Variants in WDR90 observed in about 807,000 individuals in gnomAD.
WDR90 encodes the protein WD repeat domain 90, also known as WD repeat-containing protein 90.
WDR90 carries 238 observed loss-of-function variants against 195.2 expected under a neutral mutation model. The ratio of observed to expected loss-of-function variants is 1.22; its 90% CI spans 1.10 to 1.36. The LOEUF (loss-of-function observed/expected upper bound fraction) is 1.36, where lower values mean the gene tolerates loss of function less well. WDR90 is among the 40% of genes most tolerant of loss of function. The pLI, the probability that WDR90 is intolerant of heterozygous loss-of-function variation, is 0.00. For synonymous variants in WDR90, 1,265 were observed against 1,052.4 expected (o/e 1.20, Z -3.91); for missense variants, 2,734 against 2,439.5 (o/e 1.12, Z -2.54).
At chr16:650,411 A>G (rs2037620785) in intron 4 of WDR90, 49 bp downstream of exon 4, 13 of 1,595,270 alleles carry the variant, frequency 8.1e-6, no homozygotes, top group Non-Finnish European at 1.1e-5. Context: ...GGCTGGAGGG[A>G]GTTGGTGCAG....
At position 656,505 on chromosome 16, in the gene WDR90, G is replaced by A. The variant is rs373956093; in HGVS notation, c.2170G>A (p.Val724Ile). ...GGCCACCGTGTCCCAGGACCGTACCGTCCGCATCTGGGACCTGGCCACCCT... is the reference window on the plus strand; with the variant it reads ...GGCCACCGTGTCCCAGGACCGTACCATCCGCATCTGGGACCTGGCCACCCT... ...QLATVSQDRT[V>I]RIWDLATLQQ... Residue 724 changes from valine to isoleucine, a missense_variant, in exon 18 of 41, where the codon GTC (valine) becomes ATC (isoleucine). Transcript: ENST00000293879. The A allele has an allele frequency of 3.8e-5, 60 of 1,576,096 alleles. No homozygotes were observed. Among genetic ancestry groups the A allele is most frequent in the African/African-American group, 1.7e-4 (13 of 74,344 alleles).
In WDR90 at chr16:651,082, A is replaced by C. The variant is rs1658743000; in HGVS notation, c.647A>C (p.His216Pro). Residue 216 changes from histidine to proline, a missense_variant, in exon 6 of 41, where the codon CAT becomes CCT. Physicochemically the swap from His to Pro is moderately conservative, Grantham distance 77. Coordinates refer to ENST00000293879, the MANE Select transcript of WDR90 (RefSeq NM_145294.5). ...AFPVPKGESW[H>P]DRYIHVRFPS... ...CCTGTGCCCAAGGGAGAGAGCTGGCATGACCGCTACATCCACGTCCGGTGA... is the reference window on the plus strand; with the variant it reads ...CCTGTGCCCAAGGGAGAGAGCTGGCCTGACCGCTACATCCACGTCCGGTGA... 1 of 1,595,650 alleles carries C rather than the reference A, an allele frequency of 6.3e-7. No homozygotes were observed. Among genetic ancestry groups the C allele is most frequent in the African/African-American group, 1.3e-5 (1 of 74,122 alleles).
Position 652,213 on chromosome 16 carries a change from C to G in WDR90, c.1053+174C>G, listed in dbSNP as rs185613621. On this transcript the variant is annotated intron_variant, in intron 9 of 40. Transcript: ENST00000293879. The stretch of plus-strand genomic sequence containing the variant: ...GGCTTTGGGGAAGAATCTCTGTCCA[C>G]AAAGAGTAAGGCAGGGCTTCTGCTC... The G allele has an allele frequency of 7.4e-4, 657 of 883,888 alleles. 14 individuals are homozygous for G. The South Asian group carries it at 8.5e-3, about 11-fold the overall frequency. 54.8% of individuals were successfully genotyped at this position (883,888 alleles called of 1,614,324 possible). A position where few individuals can be genotyped will look rare whatever the true frequency, so the allele number is the denominator to read the frequency against.
chr16:657,366 G>T (rs1469829783), intron 20 of WDR90, 145 bp downstream of exon 20: 1 of 1,260,400 alleles, frequency 7.9e-7, no homozygotes, highest in Admixed American at 2.8e-5. Context: ...CAGTAACCTT[G>T]TCAAGGCCCT....
At position 651,884 on chromosome 16, in the gene WDR90, C is replaced by T. The variant is rs775163346; in HGVS notation, c.898C>T (p.Arg300Cys). The change falls in exon 9 of 41, where the codon CGC (arginine) becomes TGC (cysteine). Residue 300 changes from arginine to cysteine, a missense_variant. Physicochemically the swap from Arg to Cys is radical, Grantham distance 180. Transcript: ENST00000293879. ...CCCGGAGGTCAGCCTGTCCCAAGAG[C>T]GCTCAGACGCCTCCAACGCGGATGG... ...PFPEVSLSQE[R>C]SDASNADGPG... The T allele has an allele frequency of 9.3e-6, 15 of 1,610,936 alleles. No homozygotes were observed. The South Asian group carries it at 9.9e-5, about 11-fold the overall frequency.
chr16:656,897 C>G (rs749417936), intron 19 of WDR90, 26 bp downstream of exon 19: 2 of 1,606,528 alleles, frequency 1.2e-6, no homozygotes, highest in East Asian at 2.2e-5. Flanking sequence ...GCCACCAGCC[C>G]CACGGAGACC....
chr16:649,430 G>A lies in WDR90; in HGVS notation c.10+4G>A. ...AGCGGCGGCGCCATGGCCCGAGGTA[G>A]CGCGCGGCTGGCGGGGGTCCCGAGG... On this transcript the variant is annotated splice_donor_region_variant and intron_variant, in intron 1 of 40. Coordinates refer to ENST00000293879, the MANE Select transcript of WDR90 (RefSeq NM_145294.5). 9.2e-6 allele frequency: 12 copies of A among 1,302,044 alleles called. No individual in the cohort carries two copies. In the South Asian group the frequency reaches 2.7e-4, roughly 30 times the overall value. The allele number at this position is 1,302,044 out of a possible 1,614,324, so 80.7% of individuals were successfully genotyped here. A position where few individuals can be genotyped will look rare whatever the true frequency, so the allele number is the denominator to read the frequency against.
intron 1 of WDR90, 160 bp from the exon 2 acceptor site, chr16:649,603 G>A (rs2037596600): frequency 1.8e-6 from 2 of 1,142,060 alleles, no homozygotes; most frequent in Non-Finnish European, 1.1e-6. Context: ...GCTTCCCTCG[G>A]GCGCCCGGCC....
At position 649,379 on chromosome 16, in the gene WDR90, G is replaced by A; in HGVS notation, c.-38G>A. ...TCGCGGGGCGTACTCTGCGCTGGGC[G>A]CGCGGAGGCCTAGGCGGGAAGCTCG... is the stretch of plus-strand genomic sequence containing the variant. On this transcript the variant is annotated 5_prime_UTR_variant, in exon 1 of 41. Transcript: ENST00000293879. 3 of 1,329,964 alleles carry A rather than the reference G, an allele frequency of 2.3e-6. No individual in the cohort carries two copies. The highest frequency in any genetic ancestry group is 2.9e-6 in the Non-Finnish European group (3 of 1,042,118). The allele number at this position is 1,329,964 out of a possible 1,614,324, so 82.4% of individuals were successfully genotyped here.
chr16:655,321 G>A lies in WDR90; in HGVS notation c.1571G>A (p.Gly524Glu), dbSNP rs1289405081. Residue 524 changes from glycine to glutamate, a missense_variant, in exon 15 of 41, where the codon GGG becomes GAG. Gly to Glu is a moderately conservative substitution (Grantham distance 98, BLOSUM62 -2). Transcript: ENST00000293879. ...FFDETRMASC[G>E]QGSVRLWRLR... ...ATTCCTTGCAGGATGGCGTCGTGCG[G>A]GCAGGGCAGTGTGCGGCTCTGGCGG... 1.2e-6 allele frequency: 2 copies of A among 1,605,236 alleles called. No homozygotes were observed. Among genetic ancestry groups the A allele is most frequent in the Non-Finnish European group, 1.7e-6 (2 of 1,179,676 alleles).
chr16:649,960 C>T lies in WDR90; in HGVS notation c.103-31C>T, dbSNP rs368219151. 4 of 1,610,060 alleles carry T rather than the reference C, an allele frequency of 2.5e-6. No homozygotes were observed. The African/African-American group carries it at 5.3e-5, about 21-fold the overall frequency. ...GCCCCCGCTGCACTTCTTCTGGGTG[C>T]TGTCGGTGATGCGGGCTCCCGCTTC... On this transcript the variant is annotated intron_variant, in intron 2 of 40. Transcript: ENST00000293879.
At chr16:667,141 G>A (rs1162512360) in intron 40 of WDR90, 152 bp downstream of exon 40, 8 of 909,128 alleles carry the variant, frequency 8.8e-6, no homozygotes, top group Non-Finnish European at 8.5e-6. Context: ...GGGTCCTGGA[G>A]TCAGGAGATG....
At chr16:662,931 G>T (rs2037947335) in intron 34 of WDR90, 87 bp downstream of exon 34, 5 of 1,520,932 alleles carry the variant, frequency 3.3e-6, no homozygotes, top group South Asian at 1.2e-5. Flanking sequence ...CAGCCCAGAT[G>T]ATTCCAAGTC....
intron 27 of WDR90, 150 bp from the exon 28 acceptor site, chr16:660,462 C>T: frequency 2.5e-6 from 2 of 798,686 alleles, no homozygotes; most frequent in South Asian, 3.4e-5. Context: ...GCCCACAGCT[C>T]CCACACCTCC....
At position 658,557 on chromosome 16, in the gene WDR90, C is replaced by A. The variant is rs371427025; in HGVS notation, c.2799C>A (p.Ser933=). 42 of 1,612,542 alleles carry A rather than the reference C, an allele frequency of 2.6e-5. No homozygotes were observed. The highest frequency in any genetic ancestry group is 3.5e-5 in the Non-Finnish European group (41 of 1,179,852). The change falls in exon 23 of 41, where the codon TCC becomes TCA. Residue 933 remains serine (S), a synonymous_variant. Coordinates refer to ENST00000293879, the MANE Select transcript of WDR90 (RefSeq NM_145294.5). The part of the protein sequence containing the change: ...LPGVHPEPCP[S]LTLSEDARFL... ...GTGTCCACCCTGAGCCCTGCCCCTC[C>A]TTGACGCTCAGTGAGGACGCCCGCT...
rs1295431565 is a variant in WDR90 at position 667,601 on chromosome 16, G to A, written c.*12G>A. 6.2e-7 allele frequency: 1 copy of A among 1,604,688 alleles called. No individual in the cohort carries two copies. Among genetic ancestry groups the A allele is most frequent in the Admixed American group, 1.7e-5 (1 of 60,000 alleles). Reference sequence around the variant, plus strand: ...TCCCCGGCCTCTGAGATGCAGCAGGGACTGTGGTGGTGGGCATCACGCCTG... The same window carrying A: ...TCCCCGGCCTCTGAGATGCAGCAGGAACTGTGGTGGTGGGCATCACGCCTG... On this transcript the variant is annotated 3_prime_UTR_variant, in exon 41 of 41. Coordinates refer to ENST00000293879, the MANE Select transcript of WDR90 (RefSeq NM_145294.5).
chr16:661,205 G>C, intron 29 of WDR90, 33 bp downstream of exon 29: 1 of 1,519,704 alleles, frequency 6.6e-7, no homozygotes, highest in Non-Finnish European at 8.8e-7. Flanking sequence ...TCCTCTCCCA[G>C]GGCCACCGTG....
chr16:661,651 T>C lies in WDR90; in HGVS notation c.3728T>C (p.Val1243Ala), dbSNP rs2037917608. 5.6e-6 allele frequency: 9 copies of C among 1,610,088 alleles called. No homozygotes were observed. Among genetic ancestry groups the C allele is most frequent in the Non-Finnish European group, 7.6e-6 (9 of 1,178,770 alleles). ...TGGGGCACGGCCACCTATGACCTCG[T>C]GTCCTCCACCCGCCTCCCGGAGCCG... ...ALWGTATYDL[V>A]SSTRLPEPVH... The change falls in exon 31 of 41, where the codon GTG becomes GCG. Residue 1243 changes from valine (V) to alanine (A), a missense_variant. Physicochemically the swap from Val to Ala is moderately conservative, Grantham distance 64 (BLOSUM62 0). Coordinates refer to ENST00000293879, the MANE Select transcript of WDR90 (RefSeq NM_145294.5).
At chr16:663,740 G>A (rs556987573) in intron 34 of WDR90, among the ~76,000 whole-genome samples, 2 of 152,316 alleles carry the variant, frequency 1.3e-5, no homozygotes, top group African/African-American at 4.8e-5. Flanking sequence ...GGCCTCATGG[G>A]GTTGGGACAG....
Sources: gnomAD v4.1 joint callset for allele counts (sites outside exome capture counted in the v4.1 genomes callset) on GRCh38, gnomAD v4.1.1 for gene constraint, MANE v1.5 for transcripts, NCBI Gene and HGNC (gene_info 2026-07-23, HGNC 2026-07-21) for gene names.